The following FAM222B variants were observed in gnomAD, a reference collection of about 807,000 sequenced individuals.
The protein encoded by FAM222B is protein FAM222B.
A neutral mutation model predicts 38.0 loss-of-function variants in FAM222B; 12 were observed. The observed-to-expected ratio is 0.32, with a 90% CI of 0.20 to 0.51. FAM222B has a LOEUF of 0.51. Ranked by LOEUF, FAM222B falls within the 20% of genes least tolerant of loss-of-function variation. The pLI is 0.97. For missense variants in FAM222B, 716 were observed against 754.2 expected, an observed-to-expected ratio of 0.95 and a Z score of 0.59; for synonymous variants, 329 against 317.2, an observed-to-expected ratio of 1.04 and a Z score of -0.40.
intron 1 of FAM222B, chr17:28,834,408 C>A (rs2038769601): frequency 6.6e-6 from 1 of 152,130 alleles, no homozygotes; most frequent in Non-Finnish European, 1.5e-5. Flanking sequence ...TTCTTCTACT[C>A]CTTCCTCATA....
At chr17:28,764,357 A>T (rs932940299) in intron 2 of FAM222B, among the ~76,000 whole-genome samples, 46 of 150,512 alleles carry the variant, frequency 3.1e-4, no homozygotes, top group African/African-American at 1.1e-3. Context: ...CGGGAGAATC[A>T]CTTGAACTTG....
At chr17:28,818,811 T>C (rs538562202) in intron 1 of FAM222B, among the ~76,000 whole-genome samples, 2 of 152,182 alleles carry the variant, frequency 1.3e-5, no homozygotes, top group Non-Finnish European at 2.9e-5. Flanking sequence ...GTAGAAAAAG[T>C]AAAAAGCCAA....
In FAM222B at chr17:28,796,697, T is replaced by C. The variant is rs2036953309; in HGVS notation, c.-40-29990A>G. Among the ~76,000 whole-genome samples, 4 of 152,028 alleles carry C rather than the reference T, an allele frequency of 2.6e-5. 1 individual carries two copies. The highest frequency in any genetic ancestry group is 5.9e-5 in the Non-Finnish European group (4 of 68,018). On this transcript the variant is annotated intron_variant, in intron 1 of 2. Coordinates refer to ENST00000581407, the MANE Select transcript of FAM222B (RefSeq NM_001077498.3). ...ATTTTTCAACAGGCAAATGGCATTG[T>C]TGATCTACTTCAACAGCAAAGATTA...
chr17:28,835,000 G>A (rs2038789456), intron 1 of FAM222B, among the ~76,000 whole-genome samples: 2 of 143,402 alleles, frequency 1.4e-5, no homozygotes, highest in African/African-American at 2.6e-5. Flanking sequence ...GATTACAGGC[G>A]CCCACCACTA....
chr17:28,807,279 G>C (rs1023044645), intron 1 of FAM222B, among the ~76,000 whole-genome samples: 4 of 152,216 alleles, frequency 2.6e-5, no homozygotes, highest in African/African-American at 9.6e-5. Context: ...GCTTCCCAAA[G>C]TCCTGGGATT....
intron 1 of FAM222B, among the ~76,000 whole-genome samples, chr17:28,790,883 A>AAATTTTTTTTTTTTTTTTTTTTTTTTTTT (rs1567838640): frequency 1.1e-4 from 1 of 8,912 alleles, no homozygotes; most frequent in African/African-American, 5.4e-4. Context: ...AAATTGTTTC[A>AAATTTTTTTTTTTTTTTTTTTTTTTTTTT]CTTTTTTTTT....
In FAM222B at chr17:28,756,042, C is replaced by T. The variant is rs2034670088; in HGVS notation, c.*2228G>A. The T allele has an allele frequency of 6.6e-6, 1 of 152,582 alleles. No homozygotes were observed. Among genetic ancestry groups the T allele is most frequent in the African/African-American group, 2.4e-5 (1 of 41,442 alleles). 9.5% of individuals were successfully genotyped at this position (152,582 alleles called of 1,614,324 possible). ...AAAACCCCATCACACCCATAAACCA[C>T]CACAGGTGAGGTGAGAGAGATGGAG... On this transcript the variant is annotated 3_prime_UTR_variant, in exon 3 of 3. Coordinates refer to ENST00000581407, the MANE Select transcript of FAM222B (RefSeq NM_001077498.3).
chr17:28,801,690 G>A lies in FAM222B; in HGVS notation c.-40-34983C>T, dbSNP rs971067387. Among the ~76,000 whole-genome samples, 4 of 151,982 alleles carry A rather than the reference G, an allele frequency of 2.6e-5. No individual in the cohort carries two copies. The East Asian group carries it at 7.7e-4, about 29-fold the overall frequency. On this transcript the variant is annotated intron_variant, in intron 1 of 2. Coordinates refer to ENST00000581407, the MANE Select transcript of FAM222B (RefSeq NM_001077498.3). Reference sequence around the variant, plus strand: ...CTGGGTAAGGCAGAGGGTCCATACAGGAACCCAGTAAATGGGACTTTTCCC... The same window carrying A: ...CTGGGTAAGGCAGAGGGTCCATACAAGAACCCAGTAAATGGGACTTTTCCC...
At chr17:28,832,706 CTAAA>C (rs2038707295) in intron 1 of FAM222B, among the ~76,000 whole-genome samples, 1 of 152,140 alleles carries the variant, frequency 6.6e-6, no homozygotes, top group Middle Eastern at 3.2e-3. Context: ...GGAGAAAACA[CTAAA>C]TATTTACATT....
chr17:28,792,780 CAAAAA>C (rs71135854), intron 1 of FAM222B, among the ~76,000 whole-genome samples: 1 of 122,866 alleles, frequency 8.1e-6, no homozygotes. Context: ...GGCCCTATTT[CAAAAA>C]AAAAAAAAAA....
chr17:28,795,417 G>A (rs2036894165), intron 1 of FAM222B, among the ~76,000 whole-genome samples: 1 of 152,054 alleles, frequency 6.6e-6, no homozygotes, highest in Non-Finnish European at 1.5e-5. Flanking sequence ...ACTGCTTACA[G>A]GTGTAAGCCA....
At chr17:28,771,145 T>G (rs2035614184) in intron 1 of FAM222B, among the ~76,000 whole-genome samples, 1 of 151,792 alleles carries the variant, frequency 6.6e-6, no homozygotes, top group Admixed American at 6.6e-5. Flanking sequence ...ATAGAAGGCT[T>G]TATAAAAGAA....
In FAM222B at chr17:28,759,386, C is replaced by T; in HGVS notation, c.573G>A (p.Gln191=). 1 of 1,604,540 alleles carries T rather than the reference C, an allele frequency of 6.2e-7. No individual in the cohort carries two copies. The highest frequency in any genetic ancestry group is 1.7e-4 in the Middle Eastern group (1 of 6,000). Reference sequence around the variant, plus strand: ...GAGGGTGGCCCAGGCCCTGAGGCTGCTGGAGGCTCTGAGGGTGGGACAGTG... The same window carrying T: ...GAGGGTGGCCCAGGCCCTGAGGCTGTTGGAGGCTCTGAGGGTGGGACAGTG... The part of the protein sequence containing the change: ...PQALSHPQSL[Q]QPQGLGHPQP... The change falls in exon 3 of 3, where the codon CAG becomes CAA. Residue 191 remains glutamine, a synonymous_variant. Transcript: ENST00000581407. This position sits in a 1 kb window ranked among gnomAD's most constrained non-coding sequence, Gnocchi z 4.8.
chr17:28,827,553 G>A (rs1192359329), intron 1 of FAM222B, among the ~76,000 whole-genome samples: 2 of 152,164 alleles, frequency 1.3e-5, no homozygotes, highest in East Asian at 3.8e-4. Flanking sequence ...TAAAATGTCA[G>A]AGTAGCCCAT....
chr17:28,815,882 G>A (rs1163642179), intron 1 of FAM222B, among the ~76,000 whole-genome samples: 2 of 151,530 alleles, frequency 1.3e-5, no homozygotes, highest in Admixed American at 6.6e-5. Context: ...TAGGAGAATC[G>A]CTTGAAACCG....
At chr17:28,789,079 CA>C (rs397857027) in intron 1 of FAM222B, among the ~76,000 whole-genome samples, 5,176 of 63,522 alleles carry the variant, frequency 0.081, 66 homozygotes, top group South Asian at 0.12. Context: ...AAAGATACCT[CA>C]AAAAAAAAAA....
At chr17:28,811,312 C>T (rs2151925310) in intron 1 of FAM222B, among the ~76,000 whole-genome samples, 1 of 152,158 alleles carries the variant, frequency 6.6e-6, no homozygotes, top group Admixed American at 6.6e-5. Context: ...TGGTGGCAGG[C>T]GCCTGTAATC....
intron 1 of FAM222B, among the ~76,000 whole-genome samples, chr17:28,801,881 A>G (rs2037247353): frequency 6.6e-6 from 1 of 152,150 alleles, no homozygotes; most frequent in Non-Finnish European, 1.5e-5. Context: ...GTTATGACTA[A>G]TAATGCTTAT....
intron 1 of FAM222B, among the ~76,000 whole-genome samples, chr17:28,799,443 G>T (rs965433490): frequency 1.3e-5 from 2 of 150,732 alleles, no homozygotes; most frequent in African/African-American, 2.4e-5. Context: ...GACCACAGGC[G>T]CCTGCCACCA....
Sources: allele counts gnomAD v4.1 joint callset (sites outside exome capture counted in the v4.1 genomes callset), GRCh38; gene constraint gnomAD v4.1.1; non-coding constraint Gnocchi (gnomAD v3.1); transcripts MANE v1.5; gene names NCBI Gene and HGNC (gene_info 2026-07-23, HGNC 2026-07-21).